The following GPR149 variants were observed in gnomAD, a reference collection of about 807,000 sequenced individuals.
The protein encoded by GPR149 is G protein-coupled receptor 149, also known as probable G protein-coupled receptor 149.
Under a neutral mutation model 50.2 loss-of-function variants are expected in GPR149, and 50 were observed. The observed-to-expected ratio is 1.00, with a 90% CI of 0.79 to 1.26. The LOEUF (loss-of-function observed/expected upper bound fraction) is 1.26, where lower values mean the gene tolerates loss of function less well. Ranked by LOEUF, GPR149 falls within the 50% of genes most tolerant of loss-of-function variation. The probability of loss-of-function intolerance (pLI) is 0.00; values close to 1 mark genes in which losing one functional copy is unlikely to be tolerated. For synonymous variants in GPR149, 405 were observed against 358.2 expected, an observed-to-expected ratio of 1.13 and a Z score of -1.48; for missense variants, 983 against 895.4, an observed-to-expected ratio of 1.10 and a Z score of -1.25.
At chr3:154,352,406 C>T in intron 3 of GPR149, 2 of 976,780 alleles carry the variant, frequency 2.0e-6, no homozygotes, top group South Asian at 2.6e-5. Flanking sequence ...TGGAATCGTG[C>T]CACACTGCCT....
In GPR149 at chr3:154,337,316, T is replaced by G. The variant is rs1421416116; in HGVS notation, c.*383A>C. ...TTCCCAGAATTCCTCTTTTTTCCCC[T>G]TTGCAGTAAAGGCCAACATTGTATA... On this transcript the variant is annotated 3_prime_UTR_variant, in exon 4 of 4. Transcript: ENST00000389740. Among the ~76,000 whole-genome samples, 1 of 152,192 alleles carries G rather than the reference T, an allele frequency of 6.6e-6. No individual in the cohort carries two copies. Among genetic ancestry groups the G allele is most frequent in the East Asian group, 1.9e-4 (1 of 5,192 alleles).
intron 3 of GPR149, among the ~76,000 whole-genome samples, chr3:154,412,184 A>G (rs1033856210): frequency 1.6e-4 from 24 of 152,200 alleles, no homozygotes; most frequent in African/African-American, 4.8e-4. Flanking sequence ...CAAAATCAGC[A>G]TAGAAGGGAC....
chr3:154,373,509 GC>G (rs1714715266), intron 3 of GPR149, among the ~76,000 whole-genome samples: 2 of 152,186 alleles, frequency 1.3e-5, no homozygotes, highest in African/African-American at 2.4e-5. Flanking sequence ...TAATTAAATA[GC>G]CTGTGTTTTA....
chr3:154,389,953 T>C (rs1452114969), intron 3 of GPR149, among the ~76,000 whole-genome samples: 4 of 152,194 alleles, frequency 2.6e-5, no homozygotes, highest in Non-Finnish European at 2.9e-5. Flanking sequence ...TCCAAAACTC[T>C]GATTGTGCTG....
At chr3:154,367,602 G>C (rs1240906414) in intron 3 of GPR149, among the ~76,000 whole-genome samples, 1 of 152,178 alleles carries the variant, frequency 6.6e-6, no homozygotes, top group Non-Finnish European at 1.5e-5. Context: ...TCCTTAAAGA[G>C]TTTAAAATGT....
At position 154,429,828 on chromosome 3, in the gene GPR149, A is replaced by T. The variant is rs1271372041; in HGVS notation, c.-213T>A. The T allele has an allele frequency of 2.1e-5, 9 of 434,564 alleles. No individual in the cohort carries two copies. Among genetic ancestry groups the T allele is most frequent in the East Asian group, 7.4e-5 (2 of 27,152 alleles). The allele number at this position is 434,564 out of a possible 1,614,324, so 26.9% of individuals were successfully genotyped here. On this transcript the variant is annotated 5_prime_UTR_variant, in exon 1 of 4. Transcript: ENST00000389740. ...TAGGTTCCATTTCAAGCATAAAAAA[A>T]AAAAAACCCGAACAGATAACTTTTC...
At chr3:154,423,783 A>G (rs528788848) in intron 2 of GPR149, among the ~76,000 whole-genome samples, 1 of 152,014 alleles carries the variant, frequency 6.6e-6, no homozygotes, top group East Asian at 1.9e-4. Flanking sequence ...TTTTTAAAAA[A>G]TGAACCAAAA....
chr3:154,358,060 T>A (rs1024145268), intron 3 of GPR149, among the ~76,000 whole-genome samples: 1 of 151,524 alleles, frequency 6.6e-6, no homozygotes, highest in Non-Finnish European at 1.5e-5. Context: ...AAACACTGCA[T>A]GTTCTCACTC....
Position 154,352,056 on chromosome 3 carries a change from A to T in GPR149, c.1624-13785T>A, listed in dbSNP as rs1241915809. The T allele has an allele frequency of 9.0e-6, 4 of 443,044 alleles. No individual in the cohort carries two copies. The South Asian group carries it at 1.7e-4, about 19-fold the overall frequency. 27.4% of individuals were successfully genotyped at this position (443,044 alleles called of 1,614,324 possible). A position where few individuals can be genotyped will look rare whatever the true frequency, so the allele number is the denominator to read the frequency against. ...ATAGCAGACACATACCTCAACTATC[A>T]TGAGCTAATTTTTGGTGGATAATAT... On this transcript the variant is annotated intron_variant, in intron 3 of 3. Transcript: ENST00000389740.
chr3:154,389,490 T>C (rs1327306649), intron 3 of GPR149, among the ~76,000 whole-genome samples: 1 of 152,054 alleles, frequency 6.6e-6, no homozygotes, highest in African/African-American at 2.4e-5. Context: ...CCACCTGAGA[T>C]ACTGGCTTCT....
At chr3:154,413,852 A>C (rs559814813) in intron 3 of GPR149, among the ~76,000 whole-genome samples, 1 of 151,986 alleles carries the variant, frequency 6.6e-6, no homozygotes, top group East Asian at 1.9e-4. Flanking sequence ...ATACTTGCAC[A>C]TGCATGTTTA....
chr3:154,353,742 T>A, intron 3 of GPR149: 1 of 895,448 alleles, frequency 1.1e-6, no homozygotes, highest in Non-Finnish European at 1.8e-6. Flanking sequence ...TTCTTTGGAG[T>A]CTTTCAATCA....
chr3:154,392,056 T>C (rs1053606398), intron 3 of GPR149, among the ~76,000 whole-genome samples: 4 of 140,616 alleles, frequency 2.8e-5, no homozygotes, highest in South Asian at 2.2e-4. Flanking sequence ...ATAAATAATA[T>C]GATAATTGTG....
At chr3:154,359,263 A>G (rs980832159) in intron 3 of GPR149, among the ~76,000 whole-genome samples, 1 of 152,214 alleles carries the variant, frequency 6.6e-6, no homozygotes, top group Non-Finnish European at 1.5e-5. Flanking sequence ...TTGTCAGTGA[A>G]GCTAAGCTGG....
At chr3:154,416,939 A>C (rs1712010164) in intron 3 of GPR149, among the ~76,000 whole-genome samples, 1 of 152,020 alleles carries the variant, frequency 6.6e-6, no homozygotes, top group Non-Finnish European at 1.5e-5. Context: ...ACAAAAATAA[A>C]TGAGTGAGTT....
chr3:154,345,386 A>G (rs1443026744), intron 3 of GPR149, among the ~76,000 whole-genome samples: 1 of 152,224 alleles, frequency 6.6e-6, no homozygotes, highest in Non-Finnish European at 1.5e-5. Flanking sequence ...AAGTTATTGA[A>G]TGACAAAGAA....
In GPR149 at chr3:154,352,997, A is replaced by G; in HGVS notation, c.1624-14726T>C. ...GAATGTGCAAACTATGGGCAGCCAC[A>G]TTGGTTGCCACCAAAACTTTAAAAC... On this transcript the variant is annotated intron_variant, in intron 3 of 3. Transcript: ENST00000389740. 2.5e-6 allele frequency: 3 copies of G among 1,196,808 alleles called. No homozygotes were observed. The East Asian group carries it at 7.0e-5, about 28-fold the overall frequency. The allele number at this position is 1,196,808 out of a possible 1,614,324, so 74.1% of individuals were successfully genotyped here. A position where few individuals can be genotyped will look rare whatever the true frequency, so the allele number is the denominator to read the frequency against.
intron 2 of GPR149, among the ~76,000 whole-genome samples, chr3:154,426,638 G>A (rs566842931): frequency 6.6e-6 from 1 of 152,192 alleles, no homozygotes; most frequent in South Asian, 2.1e-4. Flanking sequence ...AAAATATACA[G>A]CTCATTCCTC....
intron 2 of GPR149, among the ~76,000 whole-genome samples, chr3:154,427,190 T>G (rs1712326824): frequency 6.6e-6 from 1 of 152,186 alleles, no homozygotes; most frequent in African/African-American, 2.4e-5. Flanking sequence ...TATTCTGGAC[T>G]AAGAACTATG....
Sources: allele counts gnomAD v4.1 joint callset (sites outside exome capture counted in the v4.1 genomes callset), GRCh38; gene constraint gnomAD v4.1.1; transcripts MANE v1.5; gene names NCBI Gene and HGNC (gene_info 2026-07-23, HGNC 2026-07-21).